Variants in CPXM2 observed in about 807,000 individuals in gnomAD.
CPXM2 encodes the protein carboxypeptidase X, M14 family member 2.
A neutral mutation model predicts 86.1 loss-of-function variants in CPXM2; 66 were observed. The ratio of observed to expected loss-of-function variants is 0.77; its 90% CI spans 0.63 to 0.94. CPXM2 has a LOEUF of 0.94. CPXM2 is among the 40% of genes least tolerant of loss of function. The pLI, the probability that CPXM2 is intolerant of heterozygous loss-of-function variation, is 0.00. For missense variants in CPXM2, 948 were observed against 1,026.3 expected (o/e 0.92, Z 1.04); for synonymous variants, 388 against 400.2 (o/e 0.97, Z 0.36).
At chr10:123,839,731 A>T (rs1848347432) in intron 4 of CPXM2, among the ~76,000 whole-genome samples, 2 of 152,214 alleles carry the variant, frequency 1.3e-5, no homozygotes, top group Non-Finnish European at 2.9e-5. Context: ...TTTTCTGGAC[A>T]TACTGAGATA....
At chr10:123,839,762 G>T (rs1848348628) in intron 4 of CPXM2, among the ~76,000 whole-genome samples, 1 of 152,170 alleles carries the variant, frequency 6.6e-6, no homozygotes, top group Non-Finnish European at 1.5e-5. Flanking sequence ...CAGATACCAA[G>T]ATGTATCCTC....
At chr10:123,918,199 G>A (rs2134276377) in intron 2 of CPXM2, among the ~76,000 whole-genome samples, 1 of 152,224 alleles carries the variant, frequency 6.6e-6, no homozygotes, top group South Asian at 2.1e-4. Context: ...AATATTCACT[G>A]GTTATTTATA....
chr10:123,875,669 G>A (rs1944970456), intron 2 of CPXM2, among the ~76,000 whole-genome samples: 1 of 152,144 alleles, frequency 6.6e-6, no homozygotes, highest in Non-Finnish European at 1.5e-5. Context: ...CCCAAGTATG[G>A]TGCCTGATTG....
intron 5 of CPXM2, 72 bp downstream of exon 5, chr10:123,799,043 T>C: frequency 6.5e-7 from 1 of 1,533,924 alleles, no homozygotes. Flanking sequence ...GAGTTGATCA[T>C]ACATTGCCTC....
intron 4 of CPXM2, among the ~76,000 whole-genome samples, chr10:123,826,456 A>G (rs1248728965): frequency 6.6e-6 from 1 of 152,228 alleles, no homozygotes. Flanking sequence ...AACATTTAAC[A>G]ATGCAAAGGT....
intron 1 of CPXM2, among the ~76,000 whole-genome samples, chr10:123,887,625 T>G (rs1335679354): frequency 2.6e-5 from 4 of 152,040 alleles, no homozygotes; most frequent in Non-Finnish European, 5.9e-5. Flanking sequence ...GGCATCCAAT[T>G]TGGAGTCCAG....
chr10:123,761,657 T>C (rs1322817842), intron 11 of CPXM2, among the ~76,000 whole-genome samples: 3 of 152,162 alleles, frequency 2.0e-5, no homozygotes, highest in African/African-American at 7.2e-5. Context: ...CAGCCCCAGT[T>C]ACCTCCTTTG....
chr10:123,806,044 T>C (rs986872330), intron 4 of CPXM2, among the ~76,000 whole-genome samples: 35 of 152,252 alleles, frequency 2.3e-4, no homozygotes, highest in African/African-American at 7.0e-4. Flanking sequence ...TTAATGATTA[T>C]AAACCTACTC....
chr10:123,799,277 A>C (rs1167131579), intron 4 of CPXM2, 78 bp from the exon 5 acceptor site: 1 of 1,566,196 alleles, frequency 6.4e-7, no homozygotes, highest in Non-Finnish European at 8.7e-7. Context: ...AGAAGTGAGG[A>C]GAGCAGGTGC....
intron 2 of CPXM2, among the ~76,000 whole-genome samples, chr10:123,939,226 G>A (rs1465737672): frequency 2.0e-5 from 3 of 152,130 alleles, no homozygotes; most frequent in African/African-American, 7.2e-5. Context: ...GGTTACCATG[G>A]CAATGTTTTC....
In CPXM2 at chr10:123,828,398, T is replaced by C. The variant is rs186283599; in HGVS notation, c.653+13951A>G. On this transcript the variant is annotated intron_variant, in intron 4 of 13. Transcript: ENST00000241305. The stretch of plus-strand genomic sequence containing the variant: ...TGAAGTGTAGCTCCCACAATTCCCA[T>C]GTGTCATGAGAGGGACCTGGTGGGA... Among the ~76,000 whole-genome samples the C allele has an allele frequency of 8.9e-4, 135 of 152,274 alleles. 2 individuals are homozygous for C. The highest frequency in any genetic ancestry group is 8.8e-3 in the Admixed American group (135 of 15,304).
At chr10:123,897,472 C>T (rs1945347319) in intron 2 of CPXM2, among the ~76,000 whole-genome samples, 1 of 152,128 alleles carries the variant, frequency 6.6e-6, no homozygotes, top group Non-Finnish European at 1.5e-5. Flanking sequence ...AAATTTCTGC[C>T]TCCATCACTC....
At chr10:123,920,939 C>A (rs7083857) in intron 2 of CPXM2, among the ~76,000 whole-genome samples, 1 of 152,100 alleles carries the variant, frequency 6.6e-6, no homozygotes, top group Non-Finnish European at 1.5e-5. Flanking sequence ...TGCTGGTGCC[C>A]TATTCTTGGA....
intron 1 of CPXM2, among the ~76,000 whole-genome samples, chr10:123,884,204 G>A (rs1945143047): frequency 6.6e-6 from 1 of 152,152 alleles, no homozygotes; most frequent in African/African-American, 2.4e-5. Flanking sequence ...TGAGGTCCTT[G>A]TCTGCTTCTG....
At chr10:123,918,233 C>T (rs766170435) in intron 2 of CPXM2, among the ~76,000 whole-genome samples, 31 of 152,088 alleles carry the variant, frequency 2.0e-4, no homozygotes, top group Admixed American at 5.9e-4. Flanking sequence ...ATAGAAATGA[C>T]CTAAAATCGA....
At chr10:123,910,990 G>GTGTGTC (rs974293462) in intron 2 of CPXM2, among the ~76,000 whole-genome samples, 1 of 152,064 alleles carries the variant, frequency 6.6e-6, no homozygotes, top group East Asian at 1.9e-4. Context: ...CACTCCCCTC[G>GTGTGTC]TGTGTCTGTG....
At chr10:123,943,309 A>G (rs564029635), upstream of CPXM2, among the ~76,000 whole-genome samples, 38 of 152,362 alleles carry the variant, frequency 2.5e-4, no homozygotes, top group South Asian at 2.3e-3. Context: ...TTTAAAAATT[A>G]TCCTTTTAAC....
intron 1 of CPXM2, among the ~76,000 whole-genome samples, chr10:123,886,158 A>C (rs751142577): frequency 1.3e-5 from 2 of 152,246 alleles, no homozygotes; most frequent in African/African-American, 4.8e-5. Context: ...CTTTGGATTT[A>C]ACTCTTAAAG....
At position 123,862,715 on chromosome 10, in the gene CPXM2, G is replaced by C; in HGVS notation, c.412C>G (p.Pro138Ala). Residue 138 changes from proline to alanine, a missense_variant, in exon 3 of 14, where the codon CCT (proline) becomes GCT (alanine). Coordinates refer to ENST00000241305, the MANE Select transcript of CPXM2 (RefSeq NM_198148.3). ...ATTTTTAAGGTTTCCAGACCAAGAG[G>C]TGGGCAACCTGGAAAGGACAAATGC... is the stretch of plus-strand genomic sequence containing the variant. ...AREDVRESCP[P>A]LGLETLKITD... 1 of 1,568,574 alleles carries C rather than the reference G, an allele frequency of 6.4e-7. No homozygotes were observed. Among genetic ancestry groups the C allele is most frequent in the Non-Finnish European group, 8.6e-7 (1 of 1,165,402 alleles).
Sources: gnomAD v4.1 joint callset for allele counts (sites outside exome capture counted in the v4.1 genomes callset) on GRCh38, gnomAD v4.1.1 for gene constraint, MANE v1.5 for transcripts, NCBI Gene and HGNC (gene_info 2026-07-23, HGNC 2026-07-21) for gene names.